The following CACNA1A variants were observed in gnomAD, a reference collection of about 807,000 sequenced individuals.
CACNA1A encodes calcium voltage-gated channel subunit alpha1 A.
CACNA1A carries 57 observed loss-of-function variants against 262.4 expected under a neutral mutation model. That is an observed-to-expected ratio of 0.22 (90% CI 0.18 to 0.27). CACNA1A has a LOEUF of 0.27. CACNA1A is among the 10% of genes least tolerant of loss of function. The pLI is 1.00. For synonymous variants in CACNA1A, 1,431 were observed against 1,419.3 expected (o/e 1.01, Z -0.18); for missense variants, 2,526 against 3,562.8 (o/e 0.71, Z 7.41).
chr19:13,222,980 A>C (rs1476132715), intron 38 of CACNA1A, among the ~76,000 whole-genome samples: 1 of 152,080 alleles, frequency 6.6e-6, no homozygotes, highest in Non-Finnish European at 1.5e-5. Flanking sequence ...GGCGTAAGCC[A>C]CTGCGCCCAG....
chr19:13,454,726 T>C (rs1675175872), intron 2 of CACNA1A, among the ~76,000 whole-genome samples: 1 of 152,136 alleles, frequency 6.6e-6, no homozygotes. Flanking sequence ...CCTGAAATTA[T>C]GTCAGATGCC....
At chr19:13,347,059 G>GTT (rs1207564258) in intron 6 of CACNA1A, among the ~76,000 whole-genome samples, 2,686 of 57,952 alleles carry the variant, frequency 0.046, 67 homozygotes, top group South Asian at 0.12. Flanking sequence ...TGTTTTTTTT[G>GTT]TTTTTTTGTT....
In CACNA1A at chr19:13,214,683, T is replaced by C. The variant is rs80216489; in HGVS notation, c.5732-75A>G. The stretch of plus-strand genomic sequence containing the variant: ...GGACTCTGGGTCAGCTGCAAAGCCA[T>C]AGGCTCCCGAGAACGAGACCCCAAT... On this transcript the variant is annotated intron_variant, in intron 38 of 46. Coordinates refer to ENST00000360228, the MANE Select transcript of CACNA1A (RefSeq NM_001127222.2). This position sits in a 1 kb window ranked among gnomAD's most constrained non-coding sequence, Gnocchi z 4.1. The C allele has an allele frequency of 0.025, 29,377 of 1,172,138 alleles. 461 individuals are homozygous for C. Among genetic ancestry groups the C allele is most frequent in the Non-Finnish European group, 0.031 (24,560 of 797,686 alleles). The allele number at this position is 1,172,138 out of a possible 1,614,324, so 72.6% of individuals were successfully genotyped here. A position where few individuals can be genotyped will look rare whatever the true frequency, so the allele number is the denominator to read the frequency against.
chr19:13,306,814 G>A (rs967788936), intron 15 of CACNA1A, among the ~76,000 whole-genome samples: 1 of 152,132 alleles, frequency 6.6e-6, no homozygotes, highest in African/African-American at 2.4e-5. Flanking sequence ...CCAGTCTCGA[G>A]CTGTTTACTC....
chr19:13,425,568 CAA>C (rs1466618529), intron 3 of CACNA1A, among the ~76,000 whole-genome samples: 1 of 152,184 alleles, frequency 6.6e-6, no homozygotes, highest in Non-Finnish European at 1.5e-5. Flanking sequence ...AGGAGAAAAA[CAA>C]AAGTTTTTGA....
At chr19:13,455,292 G>A in intron 1 of CACNA1A, 80 bp from the exon 2 acceptor site, 1 of 808,732 alleles carries the variant, frequency 1.2e-6, no homozygotes. Flanking sequence ...GACCCCAGTG[G>A]AAAGATCTCA....
At chr19:13,243,941 C>G (rs1045281369) in intron 31 of CACNA1A, 1 of 152,380 alleles carries the variant, frequency 6.6e-6, no homozygotes, top group African/African-American at 2.4e-5. Context: ...TCCTGACTTC[C>G]CTGCCTGCTC....
intron 6 of CACNA1A, among the ~76,000 whole-genome samples, chr19:13,346,723 A>G (rs2058794639): frequency 9.3e-6 from 1 of 108,030 alleles, no homozygotes; most frequent in Non-Finnish European, 1.7e-5. Flanking sequence ...TCTGTTGTCC[A>G]GGCTGGAGTG....
rs537643703 is a variant in CACNA1A at position 13,379,051 on chromosome 19, G to C, written c.540-7272C>G. On this transcript the variant is annotated intron_variant, in intron 3 of 46. Coordinates refer to ENST00000360228, the MANE Select transcript of CACNA1A (RefSeq NM_001127222.2). ...GCTAGAGTGCAGTGGTGTGATCACA[G>C]CTCACTGCAGTCTCAATCTCTCAGG... 1.4e-4 allele frequency among the ~76,000 whole-genome samples: 21 copies of C among 150,002 alleles called. 1 individual carries two copies. The South Asian group carries it at 3.8e-3, about 27-fold the overall frequency.
chr19:13,330,898 A>T (rs1443945544), intron 9 of CACNA1A, among the ~76,000 whole-genome samples: 3 of 152,206 alleles, frequency 2.0e-5, no homozygotes, highest in Non-Finnish European at 4.4e-5. Flanking sequence ...CTCTATTTTT[A>T]AATTCTAAGA....
chr19:13,442,128 C>T (rs7252635), intron 3 of CACNA1A, among the ~76,000 whole-genome samples: 19,194 of 152,044 alleles, frequency 0.13, 1,549 homozygotes, highest in East Asian at 0.26. Context: ...GAGTTAGCGC[C>T]GAGTAGACCC....
At chr19:13,222,799 A>T (rs781522970) in intron 38 of CACNA1A, among the ~76,000 whole-genome samples, 11 of 149,688 alleles carry the variant, frequency 7.3e-5, no homozygotes, top group Admixed American at 6.7e-5. Context: ...GGTTCAAGTG[A>T]TTCTCCTGCC....
At position 13,346,637 on chromosome 19, in the gene CACNA1A, TATATATATATATATATATATATA is replaced by T. The variant is rs2058773827; in HGVS notation, c.979-10751_979-10729del. Among the ~76,000 whole-genome samples, 17 of 5,344 alleles carry T rather than the reference TATATATATATATATATATATATA, an allele frequency of 3.2e-3. 2 individuals carry two copies. Among genetic ancestry groups the T allele is most frequent in the South Asian group, 6.5e-3 (1 of 154 alleles). 3.5% of individuals were successfully genotyped at this position (5,344 alleles called of 152,430 possible). ...TTGATTATATATATATATATATATATATATATATATATATATATATATATATATATTTTTTTTTTTTTTTTTTT... is the reference window on the plus strand; with the variant it reads ...TTGATTATATATATATATATATATATTATATATTTTTTTTTTTTTTTTTTT... On this transcript the variant is annotated intron_variant, in intron 6 of 46. Coordinates refer to ENST00000360228, the MANE Select transcript of CACNA1A (RefSeq NM_001127222.2).
In CACNA1A at chr19:13,327,659, C is replaced by T. The variant is rs570932347; in HGVS notation, c.1345+2585G>A. On this transcript the variant is annotated intron_variant, in intron 10 of 46. Coordinates refer to ENST00000360228, the MANE Select transcript of CACNA1A (RefSeq NM_001127222.2). The stretch of plus-strand genomic sequence containing the variant: ...CGCCATCTCAGCTCACTGCAGCCTC[C>T]GCCTCCCGGGTTCAAGTGATTTTGT... Among the ~76,000 whole-genome samples the T allele has an allele frequency of 1.8e-4, 28 of 151,542 alleles. 1 individual carries two copies. The highest frequency in any genetic ancestry group is 5.1e-4 in the African/African-American group (21 of 41,366).
chr19:13,257,740 T>C, intron 27 of CACNA1A, 189 bp from the exon 28 acceptor site: 1 of 449,484 alleles, frequency 2.2e-6, no homozygotes, highest in Non-Finnish European at 3.9e-6. Flanking sequence ...TTCTTAATTT[T>C]AATTTTAATT....
intron 18 of CACNA1A, among the ~76,000 whole-genome samples, chr19:13,300,234 CGCCTTCTA>C (rs1475071911): frequency 6.6e-6 from 1 of 152,194 alleles, no homozygotes; most frequent in Non-Finnish European, 1.5e-5. Flanking sequence ...GTAGTTCCAT[CGCCTTCTA>C]ACACAATATA....
chr19:13,264,571 G>A (rs1278572910), intron 24 of CACNA1A, among the ~76,000 whole-genome samples: 1 of 152,058 alleles, frequency 6.6e-6, no homozygotes, highest in African/African-American at 2.4e-5. Context: ...CCCATTTATG[G>A]CTACATATCT....
chr19:13,298,198 T>G (rs2057707441), intron 19 of CACNA1A, among the ~76,000 whole-genome samples: 1 of 142,362 alleles, frequency 7.0e-6, no homozygotes, highest in South Asian at 2.5e-4. Context: ...TGGTGTGATC[T>G]CGGCTCATTG....
chr19:13,207,962 G>T lies in CACNA1A; in HGVS notation c.6872C>A (p.Ser2291Tyr). ...RGRRQLPQTP[S>Y]TPRPHVSYSP... ...ATAGGACACGTGTGGCCGGGGGGTG[G>T]AGGGGGTCTGGGGGAGCTGGCGGCG... The change falls in exon 47 of 47, where the codon TCC (serine) becomes TAC (tyrosine). Residue 2291 changes from serine to tyrosine, a missense_variant. Transcript: ENST00000360228. The surrounding 1 kb of genome is among the most constrained non-coding windows in gnomAD (Gnocchi z 5.7). 2 of 1,354,078 alleles carry T rather than the reference G, an allele frequency of 1.5e-6. No homozygotes were observed. Among genetic ancestry groups the T allele is most frequent in the Non-Finnish European group, 9.5e-7 (1 of 1,056,572 alleles). 83.9% of individuals were successfully genotyped at this position (1,354,078 alleles called of 1,614,324 possible). A position where few individuals can be genotyped will look rare whatever the true frequency, so the allele number is the denominator to read the frequency against.
Sources: allele counts gnomAD v4.1 joint callset (sites outside exome capture counted in the v4.1 genomes callset), GRCh38; gene constraint gnomAD v4.1.1; non-coding constraint Gnocchi (gnomAD v3.1); transcripts MANE v1.5; gene names NCBI Gene and HGNC (gene_info 2026-07-23, HGNC 2026-07-21).